The following TAFA2 variants were observed in gnomAD, a reference collection of about 807,000 sequenced individuals.
The protein encoded by TAFA2 is TAFA chemokine like family member 2.
In TAFA2, 7 loss-of-function variants were observed where a neutral mutation model predicts 18.8. The ratio of observed to expected loss-of-function variants is 0.37; its 90% CI spans 0.21 to 0.70. The LOEUF (loss-of-function observed/expected upper bound fraction) is 0.70. TAFA2 is among the 30% of genes least tolerant of loss of function. TAFA2 has a pLI of 0.53. For missense variants in TAFA2, 122 were observed against 158.1 expected, an observed-to-expected ratio of 0.77 and a Z score of 1.23; for synonymous variants, 60 against 54.2, an observed-to-expected ratio of 1.11 and a Z score of -0.47.
At chr12:61,914,382 C>T (rs1490830509) in intron 1 of TAFA2, among the ~76,000 whole-genome samples, 1 of 152,160 alleles carries the variant, frequency 6.6e-6, no homozygotes, top group African/African-American at 2.4e-5. Flanking sequence ...CCACACTGCT[C>T]CCACTGTGGC....
At chr12:62,233,705 T>C (rs961313521) in intron 1 of TAFA2, among the ~76,000 whole-genome samples, 1 of 152,164 alleles carries the variant, frequency 6.6e-6, no homozygotes, top group African/African-American at 2.4e-5. Flanking sequence ...GAAAGATTCT[T>C]TGAGTATCCA....
chr12:62,206,971 A>G (rs1014620541), intron 1 of TAFA2: 2 of 152,242 alleles, frequency 1.3e-5, no homozygotes, highest in African/African-American at 2.4e-5. Context: ...CCTTGGCACC[A>G]TCATACTGCA....
rs998567724 is a variant in TAFA2, at chr12:61,733,476, C to G, written c.384+20146G>C. On this transcript the variant is annotated intron_variant, in intron 4 of 4. Coordinates refer to ENST00000416284, the MANE Select transcript of TAFA2 (RefSeq NM_178539.5). ...AAGATGTAAGGAAGGGATCCAGTTT[C>G]AGCTTTCTACATATGGCTAGCCAGT... is the stretch of plus-strand genomic sequence containing the variant. Among the ~76,000 whole-genome samples, 14 of 151,832 alleles carry G rather than the reference C, an allele frequency of 9.2e-5. No homozygotes were observed. In the East Asian group the frequency reaches 2.3e-3, roughly 25 times the overall value.
intron 1 of TAFA2, among the ~76,000 whole-genome samples, chr12:62,241,202 A>C (rs1263646803): frequency 2.0e-5 from 3 of 152,198 alleles, no homozygotes; most frequent in Non-Finnish European, 4.4e-5. Flanking sequence ...GGAGAGTTGC[A>C]GACCCAGAAT....
chr12:62,158,937 G>C (rs2062389139), intron 1 of TAFA2, among the ~76,000 whole-genome samples: 5 of 152,136 alleles, frequency 3.3e-5, no homozygotes, highest in Admixed American at 3.3e-4. Context: ...AGGAAAAAGG[G>C]AATGTTCATC....
intron 1 of TAFA2, among the ~76,000 whole-genome samples, chr12:62,046,006 GATGA>G (rs1404281812): frequency 1.1e-4 from 16 of 152,248 alleles, no homozygotes; most frequent in African/African-American, 3.6e-4. Context: ...GGGAAAATAA[GATGA>G]ATGGTGAAAT....
intron 1 of TAFA2, among the ~76,000 whole-genome samples, chr12:62,096,815 T>C (rs1007414298): frequency 1.3e-5 from 2 of 152,144 alleles, no homozygotes; most frequent in African/African-American, 4.8e-5. Context: ...ACTGTACTGA[T>C]TGCCAGGCCT....
At chr12:62,148,496 T>C (rs1476416682) in intron 1 of TAFA2, among the ~76,000 whole-genome samples, 1 of 152,030 alleles carries the variant, frequency 6.6e-6, no homozygotes. Context: ...AAACATTCAG[T>C]ACACACAGAC....
intron 2 of TAFA2, among the ~76,000 whole-genome samples, chr12:61,844,661 C>T (rs1873327869): frequency 6.6e-6 from 1 of 152,240 alleles, no homozygotes; most frequent in South Asian, 2.1e-4. Context: ...TAGGAAGTCA[C>T]TGTGCTTCAA....
intron 4 of TAFA2, among the ~76,000 whole-genome samples, chr12:61,733,006 T>C (rs1029425664): frequency 6.6e-6 from 1 of 152,008 alleles, no homozygotes. Flanking sequence ...CCAAGAGAAA[T>C]TGAGCTCAGT....
At chr12:61,992,766 T>C (rs1329463598) in intron 1 of TAFA2, among the ~76,000 whole-genome samples, 1 of 152,184 alleles carries the variant, frequency 6.6e-6, no homozygotes, top group African/African-American at 2.4e-5. Context: ...AACATCCCTA[T>C]GCAAGAAGAC....
At chr12:61,779,404 A>G (rs774462427) in intron 2 of TAFA2, among the ~76,000 whole-genome samples, 4 of 151,828 alleles carry the variant, frequency 2.6e-5, no homozygotes, top group Non-Finnish European at 4.4e-5. Context: ...TTATCTTCCA[A>G]ATCAAAACCC....
intron 1 of TAFA2, among the ~76,000 whole-genome samples, chr12:61,983,886 A>G (rs1565705312): frequency 6.6e-6 from 1 of 152,162 alleles, no homozygotes. Flanking sequence ...TTCTGTGACT[A>G]CACCAAGCAT....
intron 1 of TAFA2, among the ~76,000 whole-genome samples, chr12:61,874,150 A>T (rs1393609293): frequency 1.3e-5 from 2 of 152,182 alleles, no homozygotes; most frequent in Non-Finnish European, 2.9e-5. Flanking sequence ...CTATTGAAGA[A>T]CTAGTATTTA....
intron 1 of TAFA2, among the ~76,000 whole-genome samples, chr12:62,178,649 G>GTA (rs1465783191): frequency 6.6e-6 from 1 of 152,112 alleles, no homozygotes; most frequent in Non-Finnish European, 1.5e-5. Flanking sequence ...AGACTCACAG[G>GTA]TATGACATAA....
At chr12:62,237,191 C>T (rs991306410) in intron 1 of TAFA2, among the ~76,000 whole-genome samples, 1 of 152,042 alleles carries the variant, frequency 6.6e-6, no homozygotes, top group South Asian at 2.1e-4. Flanking sequence ...TGTCTTTTAG[C>T]TCAGTAATTC....
chr12:61,957,878 T>G (rs1217383501), intron 1 of TAFA2, among the ~76,000 whole-genome samples: 2 of 152,106 alleles, frequency 1.3e-5, no homozygotes, highest in African/African-American at 2.4e-5. Flanking sequence ...CCTATAGTGA[T>G]CATTGGGACT....
chr12:62,123,741 A>C (rs1214481177), intron 1 of TAFA2, among the ~76,000 whole-genome samples: 1 of 143,688 alleles, frequency 7.0e-6, no homozygotes, highest in Admixed American at 7.0e-5. Context: ...ACACACACAC[A>C]CCTACCCCAC....
At chr12:62,139,239 G>T (rs1378114144) in intron 1 of TAFA2, among the ~76,000 whole-genome samples, 1 of 152,166 alleles carries the variant, frequency 6.6e-6, no homozygotes, top group Non-Finnish European at 1.5e-5. Flanking sequence ...CAGCAAGATA[G>T]TCAGTATTAT....
Sources: gnomAD v4.1 joint callset for allele counts (sites outside exome capture counted in the v4.1 genomes callset) on GRCh38, gnomAD v4.1.1 for gene constraint, MANE v1.5 for transcripts, NCBI Gene and HGNC (gene_info 2026-07-23, HGNC 2026-07-21) for gene names.